SPAG9: variants seen among roughly 807,000 people sequenced by gnomAD.
SPAG9 encodes the protein C-Jun-amino-terminal kinase-interacting protein 4.
A neutral mutation model predicts 166.5 loss-of-function variants in SPAG9; 35 were observed. That is an observed-to-expected ratio of 0.21 (90% CI 0.16 to 0.28). The LOEUF is 0.28. Ranked by LOEUF, SPAG9 falls within the 10% of genes least tolerant of loss-of-function variation. The pLI is 1.00. For synonymous variants in SPAG9, 534 were observed against 565.5 expected, an observed-to-expected ratio of 0.94 and a Z score of 0.79; for missense variants, 1,235 against 1,603.3, an observed-to-expected ratio of 0.77 and a Z score of 3.92.
At chr17:50,974,742 G>C in intron 28 of SPAG9, 29 bp downstream of exon 28, 1 of 1,556,096 alleles carries the variant, frequency 6.4e-7, no homozygotes, top group African/African-American at 1.4e-5. Flanking sequence ...CAATTACATG[G>C]AACATCTCAA....
At chr17:51,035,461 C>T (rs2144333488) in intron 5 of SPAG9, among the ~76,000 whole-genome samples, 1 of 152,236 alleles carries the variant, frequency 6.6e-6, no homozygotes, top group Non-Finnish European at 1.5e-5. Flanking sequence ...TTGCAAATAA[C>T]AATAGATATG....
chr17:51,072,806 T>G (rs2047859571), intron 2 of SPAG9, among the ~76,000 whole-genome samples: 1 of 152,188 alleles, frequency 6.6e-6, no homozygotes, highest in Non-Finnish European at 1.5e-5. Context: ...TTTCATCTTT[T>G]AAAAAGCACT....
At position 51,047,442 on chromosome 17, in the gene SPAG9, C is replaced by A; in HGVS notation, c.523G>T (p.Glu175Ter). 1 of 1,576,682 alleles carries A rather than the reference C, an allele frequency of 6.3e-7. No individual in the cohort carries two copies. Among genetic ancestry groups the A allele is most frequent in the Non-Finnish European group, 8.7e-7 (1 of 1,155,018 alleles). ...GAGAGCTGATGAAGTTTTGTTCTTT[C>A]TAAATGTTCCATATAATTATGGATC... ...EMIHNYMEHL[E>*]RTKLHQLSGS... The change falls in exon 4 of 30, where the codon GAA (glutamate) becomes TAA (stop). Residue 175 changes from glutamate (E) to a stop codon, truncating the protein, a stop_gained. Coordinates refer to ENST00000262013, the MANE Select transcript of SPAG9 (RefSeq NM_001130528.3). LOFTEE classifies it high-confidence loss of function.
intron 13 of SPAG9, among the ~76,000 whole-genome samples, chr17:50,999,953 G>A (rs2044858367): frequency 6.6e-6 from 1 of 152,128 alleles, no homozygotes; most frequent in South Asian, 2.1e-4. Flanking sequence ...TTAGTCTACC[G>A]ACAGAGGACT....
rs188059622 is a variant in SPAG9 at position 51,118,957 on chromosome 17, C to A, written c.303+1397G>T. 3.2e-4 allele frequency among the ~76,000 whole-genome samples: 48 copies of A among 150,474 alleles called. No individual in the cohort carries two copies. The East Asian group carries it at 7.2e-3, about 23-fold the overall frequency. ...GCTGAGGCACAAGAATCGCTTGAAC[C>A]CGGCAGGCAGAGGTTGCAGTGAGCC... On this transcript the variant is annotated intron_variant, in intron 1 of 29. Coordinates refer to ENST00000262013, the MANE Select transcript of SPAG9 (RefSeq NM_001130528.3).
intron 3 of SPAG9, among the ~76,000 whole-genome samples, chr17:51,051,959 C>T (rs550800318): frequency 2.0e-5 from 3 of 152,220 alleles, no homozygotes; most frequent in South Asian, 2.1e-4. Context: ...CATGTGGGCC[C>T]GAGTGCTTCA....
At chr17:51,046,852 T>G (rs1446526556) in intron 4 of SPAG9, 1 of 1,530,172 alleles carries the variant, frequency 6.5e-7, no homozygotes, top group East Asian at 2.5e-5. Context: ...CTCATAACCA[T>G]AGAGCTGCTG....
At position 51,014,365 on chromosome 17, in the gene SPAG9, GAAC is replaced by G. The variant is rs770377354; in HGVS notation, c.1092-15_1092-13del. The G allele has an allele frequency of 1.3e-5, 20 of 1,599,928 alleles. No homozygotes were observed. The highest frequency in any genetic ancestry group is 1.7e-5 in the Admixed American group (1 of 58,190). On this transcript the variant is annotated splice_polypyrimidine_tract_variant and intron_variant, in intron 8 of 29. Coordinates refer to ENST00000262013, the MANE Select transcript of SPAG9 (RefSeq NM_001130528.3). ...CTTTGGTGGGAGTGCTATGCAACAA[GAAC>G]AACAAAACCAAATCAACAAATGACA...
intron 5 of SPAG9, chr17:51,031,967 G>A: frequency 9.6e-6 from 6 of 624,692 alleles, no homozygotes; most frequent in South Asian, 9.2e-5. Flanking sequence ...TCAACATGCA[G>A]CTCATTGTTT....
chr17:50,967,172 C>T (rs986470100), intron 29 of SPAG9, among the ~76,000 whole-genome samples: 3 of 152,200 alleles, frequency 2.0e-5, no homozygotes, highest in African/African-American at 4.8e-5. Context: ...ATTCTCGATA[C>T]AAGCTTGCAT....
At chr17:51,008,942 C>G (rs1397311779) in intron 9 of SPAG9, among the ~76,000 whole-genome samples, 1 of 152,042 alleles carries the variant, frequency 6.6e-6, no homozygotes, top group East Asian at 1.9e-4. Context: ...TGGTTGAAAA[C>G]AGTTTATATA....
At chr17:50,987,488 C>T (rs1975142804) in intron 21 of SPAG9, among the ~76,000 whole-genome samples, 1 of 151,172 alleles carries the variant, frequency 6.6e-6, no homozygotes, top group South Asian at 2.1e-4. Context: ...TAGAGGCACA[C>T]ACACTATCAC....
At chr17:50,970,913 G>GTTTT in intron 28 of SPAG9, 57 bp from the exon 29 acceptor site, 3 of 1,121,284 alleles carry the variant, frequency 2.7e-6, no homozygotes, top group South Asian at 1.6e-5. Flanking sequence ...AGGCTGTTTT[G>GTTTT]TTTTTTTTTT....
At chr17:51,016,414 A>G (rs1004596372) in intron 8 of SPAG9, among the ~76,000 whole-genome samples, 2 of 152,318 alleles carry the variant, frequency 1.3e-5, no homozygotes, top group East Asian at 1.9e-4. Context: ...AGCAGTCTCA[A>G]TTGGAGAATG....
chr17:51,046,777 A>G, intron 4 of SPAG9: 1 of 1,534,860 alleles, frequency 6.5e-7, no homozygotes, highest in Non-Finnish European at 8.7e-7. Flanking sequence ...CAATGCCATC[A>G]GCAGCAGCTT....
At chr17:51,099,433 CAA>C (rs34069450) in intron 1 of SPAG9, among the ~76,000 whole-genome samples, 17 of 75,498 alleles carry the variant, frequency 2.3e-4, no homozygotes, top group Non-Finnish European at 3.5e-4. Context: ...AACTCTGTCT[CAA>C]AAAAAAAAAA....
At chr17:51,085,582 A>G (rs2048283491) in intron 1 of SPAG9, 1 of 152,224 alleles carries the variant, frequency 6.6e-6, no homozygotes. Context: ...TCGTTTCTTT[A>G]GTTTCCTTTC....
At chr17:51,044,886 C>T (rs2046965422) in intron 4 of SPAG9, among the ~76,000 whole-genome samples, 1 of 152,030 alleles carries the variant, frequency 6.6e-6, no homozygotes, top group Non-Finnish European at 1.5e-5. Context: ...AGATCAGTAG[C>T]AATTTTTGTG....
At chr17:50,977,306 AC>A in intron 26 of SPAG9, 85 bp from the exon 27 acceptor site, 1 of 816,858 alleles carries the variant, frequency 1.2e-6, no homozygotes, top group Non-Finnish European at 2.1e-6. Flanking sequence ...TAGCAGGATT[AC>A]AAAACAAAAA....
Sources: gnomAD v4.1 joint callset for allele counts (sites outside exome capture counted in the v4.1 genomes callset) on GRCh38, gnomAD v4.1.1 for gene constraint, MANE v1.5 for transcripts, NCBI Gene and HGNC (gene_info 2026-07-23, HGNC 2026-07-21) for gene names.